The following ANGPT1 variants were observed in gnomAD, a reference collection of about 807,000 sequenced individuals.
ANGPT1 encodes the protein angiopoietin-1.
In ANGPT1, 17 loss-of-function variants were observed where a neutral mutation model predicts 62.2. The observed-to-expected ratio is 0.27, with a 90% CI of 0.19 to 0.41. ANGPT1 has a LOEUF of 0.41. Among genes scored for constraint, ANGPT1 ranks in the 10% least tolerant of loss-of-function variants. The probability of loss-of-function intolerance (pLI) is 1.00; values close to 1 mark genes in which losing one functional copy is unlikely to be tolerated. For synonymous variants in ANGPT1, 199 were observed against 198.9 expected (o/e 1.00, Z 0.00); for missense variants, 478 against 594.9 (o/e 0.80, Z 2.04).
At chr8:107,438,599 C>T (rs889632832) in intron 1 of ANGPT1, among the ~76,000 whole-genome samples, 4 of 152,078 alleles carry the variant, frequency 2.6e-5, no homozygotes, top group African/African-American at 9.7e-5. Flanking sequence ...AGCAAATTGG[C>T]ATCAGGGGAG....
chr8:107,451,312 A>AAAAGAC (rs1554595611), intron 1 of ANGPT1, among the ~76,000 whole-genome samples: 1 of 54,926 alleles, frequency 1.8e-5, no homozygotes, highest in Non-Finnish European at 4.0e-5. Flanking sequence ...ATACATACAT[A>AAAAGAC]ACAGACACAC....
intron 1 of ANGPT1, among the ~76,000 whole-genome samples, chr8:107,365,228 A>G (rs1396168054): frequency 1.3e-5 from 2 of 152,212 alleles, no homozygotes; most frequent in African/African-American, 4.8e-5. Context: ...CAAGGCAAAT[A>G]TGACATTAGA....
intron 1 of ANGPT1, among the ~76,000 whole-genome samples, chr8:107,466,552 G>T: frequency 1.3e-5 from 2 of 152,118 alleles, no homozygotes; most frequent in Admixed American, 1.3e-4. Context: ...TTAAGGAAAG[G>T]GAATTATTCG....
rs748233164 is a variant in ANGPT1 at position 107,264,212 on chromosome 8, AG to A, written c.1336+8del. ...AACATAGCTTAGAGAATGGCCCCAT[AG>A]GACTTACCTCCTGTTAACATGAGGG... On this transcript the variant is annotated splice_region_variant and intron_variant, in intron 8 of 8. Coordinates refer to ENST00000517746, the MANE Select transcript of ANGPT1 (RefSeq NM_001146.5). 6.2e-7 allele frequency: 1 copy of A among 1,611,848 alleles called. No homozygotes were observed. Among genetic ancestry groups the A allele is most frequent in the South Asian group, 1.1e-5 (1 of 90,530 alleles).
chr8:107,365,570 G>A (rs1217324254), intron 1 of ANGPT1, among the ~76,000 whole-genome samples: 1 of 152,062 alleles, frequency 6.6e-6, no homozygotes, highest in Non-Finnish European at 1.5e-5. Context: ...CTCATCTGGG[G>A]CATGTCTACT....
chr8:107,330,515 A>G (rs34248555), intron 3 of ANGPT1, among the ~76,000 whole-genome samples: 29,777 of 152,140 alleles, frequency 0.2, 3,291 homozygotes, highest in East Asian at 0.34. Context: ...ACTCTCTTCT[A>G]TCAGTTATAG....
chr8:107,335,578 T>C (rs6991048), intron 3 of ANGPT1, among the ~76,000 whole-genome samples: 8,081 of 152,294 alleles, frequency 0.053, 327 homozygotes, highest in Non-Finnish European at 0.079. Flanking sequence ...ATGACATCTA[T>C]AAAGCTAACC....
intron 1 of ANGPT1, among the ~76,000 whole-genome samples, chr8:107,461,124 T>C (rs1311261704): frequency 6.6e-6 from 1 of 152,160 alleles, no homozygotes; most frequent in Non-Finnish European, 1.5e-5. Flanking sequence ...AAACTGATTA[T>C]CATATTTGTC....
chr8:107,349,106 A>C (rs1815873572), intron 1 of ANGPT1, among the ~76,000 whole-genome samples: 1 of 145,760 alleles, frequency 6.9e-6, no homozygotes, highest in African/African-American at 2.6e-5. Flanking sequence ...ACTCAGACAG[A>C]TGTTAGATAA....
At chr8:107,377,595 G>C (rs2130262425) in intron 1 of ANGPT1, among the ~76,000 whole-genome samples, 1 of 152,306 alleles carries the variant, frequency 6.6e-6, no homozygotes, top group Admixed American at 6.5e-5. Context: ...AAGAAGAGAG[G>C]AAGATACAAG....
intron 3 of ANGPT1, among the ~76,000 whole-genome samples, chr8:107,328,915 C>G (rs1563571439): frequency 1.3e-5 from 2 of 151,722 alleles, no homozygotes; most frequent in Non-Finnish European, 1.5e-5. Flanking sequence ...TATCTATTAA[C>G]ATAAATAATA....
At chr8:107,487,555 A>G (rs563667768) in intron 1 of ANGPT1, among the ~76,000 whole-genome samples, 20 of 152,238 alleles carry the variant, frequency 1.3e-4, no homozygotes, top group African/African-American at 4.6e-4. Context: ...TGCTAAAAAA[A>G]AAAGAAAGAA....
chr8:107,482,721 G>A (rs553369004), intron 1 of ANGPT1, among the ~76,000 whole-genome samples: 1 of 152,278 alleles, frequency 6.6e-6, no homozygotes, highest in South Asian at 2.1e-4. Flanking sequence ...AGAAATAACT[G>A]TATGTCTTTA....
chr8:107,371,647 G>T (rs1279712202), intron 1 of ANGPT1, among the ~76,000 whole-genome samples: 2 of 143,786 alleles, frequency 1.4e-5, no homozygotes, highest in African/African-American at 2.6e-5. Context: ...CACAATCTTG[G>T]CTCACTGCAA....
chr8:107,490,881 G>A (rs1353161234), intron 1 of ANGPT1, among the ~76,000 whole-genome samples: 1 of 152,222 alleles, frequency 6.6e-6, no homozygotes, highest in African/African-American at 2.4e-5. Flanking sequence ...ACAAACAGAG[G>A]TGGCAGGAAG....
intron 1 of ANGPT1, among the ~76,000 whole-genome samples, chr8:107,436,027 C>T (rs747435949): frequency 6.6e-6 from 1 of 152,124 alleles, no homozygotes. Context: ...CTCAGCCTCC[C>T]GAGAAGCTGG....
chr8:107,390,307 T>C lies in ANGPT1; in HGVS notation c.298-43210A>G, dbSNP rs903977209. Among the ~76,000 whole-genome samples the C allele has an allele frequency of 2.0e-5, 3 of 152,170 alleles. No individual in the cohort carries two copies. The East Asian group carries it at 5.8e-4, about 29-fold the overall frequency. On this transcript the variant is annotated intron_variant, in intron 1 of 8. Transcript: ENST00000517746. ...ACATTGGAACCTAATACTGGCCTTG[T>C]AATAAACAAAAATATGCACTTGTTT...
chr8:107,390,380 C>T (rs1816811554), intron 1 of ANGPT1, among the ~76,000 whole-genome samples: 1 of 150,066 alleles, frequency 6.7e-6, no homozygotes, highest in South Asian at 2.1e-4. Flanking sequence ...AGACTCTGAC[C>T]ATTCAGTTCA....
intron 7 of ANGPT1, among the ~76,000 whole-genome samples, chr8:107,273,043 CTTGT>C (rs1813776259): frequency 2.0e-5 from 3 of 152,010 alleles, no homozygotes; most frequent in African/African-American, 7.2e-5. Flanking sequence ...GTCTGACCCT[CTTGT>C]GGTGCCTAAA....
Sources: gnomAD v4.1 joint callset for allele counts (sites outside exome capture counted in the v4.1 genomes callset) on GRCh38, gnomAD v4.1.1 for gene constraint, MANE v1.5 for transcripts, NCBI Gene and HGNC (gene_info 2026-07-23, HGNC 2026-07-21) for gene names.